STX18: variants seen among roughly 807,000 people sequenced by gnomAD.
STX18 encodes the protein syntaxin 18.
In STX18, 40 loss-of-function variants were observed where a neutral mutation model predicts 50.1. The ratio of observed to expected loss-of-function variants is 0.80; its 90% confidence interval spans 0.62 to 1.04. The LOEUF is 1.04. Among genes scored for constraint, STX18 ranks in the 50% least tolerant of loss-of-function variants. STX18 has a pLI of 0.00. For missense variants in STX18, 410 were observed against 415.8 expected (o/e 0.99, Z 0.12); for synonymous variants, 158 against 151.8 (o/e 1.04, Z -0.30).
chr4:4,476,043 G>C (rs1404625559), intron 1 of STX18: 8 of 152,178 alleles, frequency 5.3e-5, no homozygotes, highest in African/African-American at 1.9e-4. Flanking sequence ...GTGTTCAGAA[G>C]GTGCAGCATC....
At chr4:4,489,126 G>A (rs1027617141) in intron 1 of STX18, among the ~76,000 whole-genome samples, 3 of 152,094 alleles carry the variant, frequency 2.0e-5, no homozygotes, top group Non-Finnish European at 2.9e-5. Flanking sequence ...GAGAAAGAGG[G>A]TTTGGTAACA....
chr4:4,472,330 TG>T (rs34560278), intron 1 of STX18, among the ~76,000 whole-genome samples: 3 of 152,348 alleles, frequency 2.0e-5, no homozygotes, highest in Admixed American at 2.0e-4. Context: ...GTACTGTGCA[TG>T]GAACTAGCAA....
At chr4:4,461,837 T>C (rs1356892277) in intron 2 of STX18, 3 of 455,990 alleles carry the variant, frequency 6.6e-6, no homozygotes, top group Non-Finnish European at 1.3e-5. Context: ...CTCCTCCCTC[T>C]GGCCCCCTCG....
In STX18 at chr4:4,455,644, GGAGTCTA is replaced by G. The variant is rs1250149006; in HGVS notation, c.497+1540_497+1546del. 1.3e-4 allele frequency among the ~76,000 whole-genome samples: 20 copies of G among 152,158 alleles called. 1 individual carries two copies. The highest frequency in any genetic ancestry group is 8.8e-5 in the Non-Finnish European group (6 of 68,032). On this transcript the variant is annotated intron_variant, in intron 5 of 10. Transcript: ENST00000306200. ...GTGCTGAGCACCTGCTTTCCTCCTGGGAGTCTAGAGTTTCGGTAGATGCCAGGTGTGA... is the reference window on the plus strand; with the variant it reads ...GTGCTGAGCACCTGCTTTCCTCCTGGGAGTTTCGGTAGATGCCAGGTGTGA...
chr4:4,506,832 C>T (rs765062555), intron 1 of STX18, among the ~76,000 whole-genome samples: 6 of 152,152 alleles, frequency 3.9e-5, no homozygotes, highest in Admixed American at 1.3e-4. Context: ...TCTTATTGTA[C>T]TGTACTCACC....
At chr4:4,459,530 C>T (rs926168455) in intron 2 of STX18, 43 bp from the exon 3 acceptor site, 5 of 1,389,442 alleles carry the variant, frequency 3.6e-6, no homozygotes, top group Non-Finnish European at 5.1e-6. Flanking sequence ...CAAATGAGAA[C>T]ATAATATAGT....
chr4:4,534,533 C>T (rs532105255), intron 1 of STX18, among the ~76,000 whole-genome samples: 4 of 152,330 alleles, frequency 2.6e-5, no homozygotes, highest in South Asian at 2.1e-4. Context: ...CTACTGTCAC[C>T]GGCTCCTCAG....
intron 1 of STX18, among the ~76,000 whole-genome samples, chr4:4,476,431 A>G (rs953867149): frequency 2.0e-5 from 3 of 152,368 alleles, no homozygotes; most frequent in Admixed American, 2.0e-4. Flanking sequence ...CCAAAGCTCA[A>G]GACTGACTGA....
chr4:4,437,588 C>T, intron 6 of STX18: 1 of 984,030 alleles, frequency 1.0e-6, no homozygotes, highest in Non-Finnish European at 1.2e-6. Flanking sequence ...CCTGTAATTT[C>T]TGTGACATGT....
At chr4:4,526,291 A>G (rs1730753280) in intron 1 of STX18, among the ~76,000 whole-genome samples, 1 of 152,164 alleles carries the variant, frequency 6.6e-6, no homozygotes, top group Non-Finnish European at 1.5e-5. Flanking sequence ...GAGAAAGTGC[A>G]GGTGCTTATT....
chr4:4,499,614 C>T (rs779878797), intron 1 of STX18: 103 of 793,990 alleles, frequency 1.3e-4, no homozygotes, highest in Non-Finnish European at 1.6e-4. Context: ...ATTCATTATT[C>T]AATAGCTAAT....
intron 5 of STX18, among the ~76,000 whole-genome samples, chr4:4,446,125 T>A (rs963325335): frequency 4.0e-5 from 6 of 149,432 alleles, no homozygotes; most frequent in African/African-American, 1.5e-4. Flanking sequence ...GATATTTATA[T>A]ACAATAAAAT....
chr4:4,427,020 C>T (rs773712041), intron 7 of STX18, among the ~76,000 whole-genome samples: 1 of 152,204 alleles, frequency 6.6e-6, no homozygotes, highest in African/African-American at 2.4e-5. Flanking sequence ...TACTTTCTCA[C>T]TCTTGTTACC....
intron 5 of STX18, among the ~76,000 whole-genome samples, chr4:4,446,836 T>C (rs1478495799): frequency 1.3e-5 from 2 of 152,202 alleles, no homozygotes; most frequent in Non-Finnish European, 2.9e-5. Context: ...CAAAGGCCTA[T>C]AAAAGAATGT....
chr4:4,423,825 G>A (rs1380774185), intron 8 of STX18: 4 of 546,914 alleles, frequency 7.3e-6, no homozygotes, highest in Non-Finnish European at 1.3e-5. Flanking sequence ...ACTCTACCAT[G>A]CCAACTGACC....
At chr4:4,436,767 C>A (rs941239575) in intron 6 of STX18, among the ~76,000 whole-genome samples, 1 of 152,144 alleles carries the variant, frequency 6.6e-6, no homozygotes, top group Non-Finnish European at 1.5e-5. Context: ...CCCTACCCAC[C>A]CTTCCAAGCT....
intron 2 of STX18, among the ~76,000 whole-genome samples, chr4:4,460,959 C>A (rs1245923610): frequency 6.6e-6 from 1 of 152,110 alleles, no homozygotes; most frequent in Non-Finnish European, 1.5e-5. Context: ...CTACTAGGAA[C>A]CTTCTCATCG....
intron 5 of STX18, among the ~76,000 whole-genome samples, chr4:4,442,389 C>T (rs534971127): frequency 3.3e-5 from 5 of 151,984 alleles, no homozygotes; most frequent in South Asian, 2.1e-4. Flanking sequence ...TTTGGGAGGC[C>T]GAGGAGGGCG....
At chr4:4,488,539 A>C (rs1012490577) in intron 1 of STX18, among the ~76,000 whole-genome samples, 8 of 152,138 alleles carry the variant, frequency 5.3e-5, no homozygotes, top group African/African-American at 1.9e-4. Flanking sequence ...ATGTAGACGA[A>C]ATCTCCTACA....
Sources: allele counts gnomAD v4.1 joint callset (sites outside exome capture counted in the v4.1 genomes callset), GRCh38; gene constraint gnomAD v4.1.1; transcripts MANE v1.5; gene names NCBI Gene and HGNC (gene_info 2026-07-23, HGNC 2026-07-21).